PTPRD: variants seen among roughly 807,000 people sequenced by gnomAD.
The protein encoded by PTPRD is receptor-type tyrosine-protein phosphatase delta.
A neutral mutation model predicts 214.5 loss-of-function variants in PTPRD; 34 were observed. The observed-to-expected ratio is 0.16, with a 90% CI of 0.12 to 0.21. The LOEUF is 0.21. PTPRD is among the 10% of genes least tolerant of loss of function. PTPRD has a pLI of 1.00. For missense variants in PTPRD, 2,545 were observed against 2,398.7 expected (o/e 1.06, Z -1.27); for synonymous variants, 1,128 against 845.7 (o/e 1.33, Z -5.79).
chr9:10,565,707 C>T (rs2065390379), intron 2 of PTPRD, among the ~76,000 whole-genome samples: 1 of 152,122 alleles, frequency 6.6e-6, no homozygotes, highest in South Asian at 2.1e-4. Context: ...CTTACTATAG[C>T]CCTAAGTTTT....
rs61460386 is a variant in PTPRD at position 10,213,863 on chromosome 9, A to G, written c.-545+127100T>C. Among the ~76,000 whole-genome samples, 965 of 152,110 alleles carry G rather than the reference A, an allele frequency of 6.3e-3. 16 individuals are homozygous for G. The highest frequency in any genetic ancestry group is 0.022 in the African/African-American group (923 of 41,514). On this transcript the variant is annotated intron_variant, in intron 3 of 45. Transcript: ENST00000381196. ...TTCTTATTCATTTATAATTTATGAA[A>G]TACTTACTGAGATTATACAAGCTTC...
In PTPRD at chr9:9,088,581, G is replaced by GAAAAAAAAAAAAA. The variant is rs533619970; in HGVS notation, c.-142-69859_-142-69847dup. Among the ~76,000 whole-genome samples the GAAAAAAAAAAAAA allele has an allele frequency of 7.1e-3, 234 of 33,026 alleles. 24 individuals carry two copies. The highest frequency in any genetic ancestry group is 0.015 in the African/African-American group (164 of 10,610). The allele number at this position is 33,026 out of a possible 152,430, so 21.7% of individuals were successfully genotyped here. On this transcript the variant is annotated intron_variant, in intron 10 of 45. Transcript: ENST00000381196. Reference sequence around the variant, plus strand: ...GGCGACAGAGTGAGACTTAGTCTCAGAAAAAAAAAAAAAAAAAAAAAAAAA... The same window carrying GAAAAAAAAAAAAA: ...GGCGACAGAGTGAGACTTAGTCTCAGAAAAAAAAAAAAAAAAAAAAAAAAAAAAAAAAAAAAAA...
rs143297955 is a variant in PTPRD at position 10,508,059 on chromosome 9, G to C, written c.-600+104339C>G. 7.4e-4 allele frequency among the ~76,000 whole-genome samples: 112 copies of C among 152,234 alleles called. 2 individuals are homozygous for C. The East Asian group carries it at 0.022, about 29-fold the overall frequency. On this transcript the variant is annotated intron_variant, in intron 2 of 45. Transcript: ENST00000381196. ...TTTTGCAATCTACTTATCTGACAAA[G>C]GGCTAATATCCACAATCTACAAAGA...
At chr9:8,722,611 C>G (rs1349361206) in intron 12 of PTPRD, among the ~76,000 whole-genome samples, 2 of 151,856 alleles carry the variant, frequency 1.3e-5, no homozygotes, top group Non-Finnish European at 2.9e-5. Context: ...GTAATTTTGA[C>G]AAAATGGAAG....
rs117997337 is a variant in PTPRD, at chr9:8,687,274, C to T, written c.64+46506G>A. ...GTTTCAAAGCGCTTTCTTTCAAGAT[C>T]TCCCAATTTTTCTATGTTAAAATTT... is the stretch of plus-strand genomic sequence containing the variant. On this transcript the variant is annotated intron_variant, in intron 12 of 45. Transcript: ENST00000381196. 5.0e-3 allele frequency among the ~76,000 whole-genome samples: 764 copies of T among 152,256 alleles called. 8 individuals are homozygous for T. Among genetic ancestry groups the T allele is most frequent in the African/African-American group, 0.015 (603 of 41,554 alleles).
At chr9:10,202,898 C>T (rs944962017) in intron 3 of PTPRD, among the ~76,000 whole-genome samples, 1 of 151,628 alleles carries the variant, frequency 6.6e-6, no homozygotes, top group Non-Finnish European at 1.5e-5. Context: ...AGGCCCTTAC[C>T]AGACACTGAA....
At chr9:10,154,986 A>G (rs1227296454) in intron 3 of PTPRD, among the ~76,000 whole-genome samples, 4 of 152,028 alleles carry the variant, frequency 2.6e-5, no homozygotes, top group Non-Finnish European at 5.9e-5. Flanking sequence ...TGTGAAGTAC[A>G]TAATTGGTAG....
At chr9:10,292,274 A>G (rs369362721) in intron 3 of PTPRD, among the ~76,000 whole-genome samples, 8 of 152,054 alleles carry the variant, frequency 5.3e-5, no homozygotes, top group African/African-American at 1.2e-4. Context: ...TCCGCCTTCA[A>G]TGTCTCTGAA....
At position 8,490,984 on chromosome 9, in the gene PTPRD, G is replaced by A. The variant is rs914945882; in HGVS notation, c.2467+1878C>T. On this transcript the variant is annotated intron_variant, in intron 27 of 45. Coordinates refer to ENST00000381196, the MANE Select transcript of PTPRD (RefSeq NM_002839.4). ...ATTCTTCACAGTCACATAAATATAC[G>A]AGGATTTTTAATACAGTAGACAAAA... 6.6e-5 allele frequency among the ~76,000 whole-genome samples: 10 copies of A among 152,268 alleles called. 1 individual carries two copies. The highest frequency in any genetic ancestry group is 4.2e-4 in the South Asian group (2 of 4,816).
At chr9:9,606,051 T>C (rs1246597344) in intron 7 of PTPRD, among the ~76,000 whole-genome samples, 1 of 152,074 alleles carries the variant, frequency 6.6e-6, no homozygotes, top group Admixed American at 6.6e-5. Context: ...CCACAGTTTC[T>C]TTTAAGAGTG....
At chr9:8,824,226 C>T (rs1304171574) in intron 11 of PTPRD, among the ~76,000 whole-genome samples, 2 of 152,172 alleles carry the variant, frequency 1.3e-5, no homozygotes, top group Non-Finnish European at 2.9e-5. Flanking sequence ...GTCCTAGCCT[C>T]ATTTTACCCA....
chr9:8,805,384 G>C (rs2096655046), intron 11 of PTPRD, among the ~76,000 whole-genome samples: 1 of 151,998 alleles, frequency 6.6e-6, no homozygotes, highest in Non-Finnish European at 1.5e-5. Context: ...ATGAACATCA[G>C]AGTAATCCAA....
chr9:10,129,427 T>A (rs10958901), intron 3 of PTPRD, among the ~76,000 whole-genome samples: 26,632 of 151,740 alleles, frequency 0.18, 2,586 homozygotes, highest in South Asian at 0.27. Context: ...TCTGAAAACC[T>A]ATTGACATGA....
chr9:9,993,982 T>TG (rs1404941490), intron 4 of PTPRD, among the ~76,000 whole-genome samples: 1 of 152,188 alleles, frequency 6.6e-6, no homozygotes. Context: ...GTACTAGACA[T>TG]GATTCTAAAT....
intron 45 of PTPRD, 143 bp from the exon 46 acceptor site, chr9:8,318,085 G>T (rs1823252764): frequency 1.5e-6 from 1 of 680,854 alleles, no homozygotes. Flanking sequence ...CTAATCCAAT[G>T]ACCAATTGTT....
chr9:8,959,719 G>C (rs1447318750), intron 11 of PTPRD, among the ~76,000 whole-genome samples: 1 of 152,006 alleles, frequency 6.6e-6, no homozygotes, highest in East Asian at 1.9e-4. Context: ...TTGGAAAGCA[G>C]CTATATTTCT....
At chr9:10,604,693 G>A (rs2133513379) in intron 2 of PTPRD, among the ~76,000 whole-genome samples, 1 of 151,836 alleles carries the variant, frequency 6.6e-6, no homozygotes, top group East Asian at 1.9e-4. Context: ...TCTATTCAGA[G>A]GAGTTGCCAC....
intron 3 of PTPRD, among the ~76,000 whole-genome samples, chr9:10,165,976 T>C (rs888159385): frequency 6.7e-6 from 1 of 150,218 alleles, no homozygotes; most frequent in African/African-American, 2.4e-5. Context: ...TATGTAAACA[T>C]ATAAAGCTAT....
intron 21 of PTPRD, among the ~76,000 whole-genome samples, chr9:8,517,127 G>C (rs2097794743): frequency 6.6e-6 from 1 of 152,014 alleles, no homozygotes; most frequent in Non-Finnish European, 1.5e-5. Context: ...TTTAGAAGAG[G>C]CCTGTTATTT....
Sources: gnomAD v4.1 joint callset for allele counts (sites outside exome capture counted in the v4.1 genomes callset) on GRCh38, gnomAD v4.1.1 for gene constraint, MANE v1.5 for transcripts, NCBI Gene and HGNC (gene_info 2026-07-23, HGNC 2026-07-21) for gene names.